RGS6: variants seen among roughly 807,000 people sequenced by gnomAD.
RGS6 encodes regulator of G-protein signaling 6.
RGS6 carries 30 observed loss-of-function variants against 78.5 expected under a neutral mutation model. That is an observed-to-expected ratio of 0.38 (90% CI 0.29 to 0.52). The LOEUF is 0.52. Among genes scored for constraint, RGS6 ranks in the 20% least tolerant of loss-of-function variants. The probability of loss-of-function intolerance (pLI) is 0.85; values close to 1 mark genes in which losing one functional copy is unlikely to be tolerated. For synonymous variants in RGS6, 206 were observed against 206.0 expected (o/e 1.00, Z 0.00); for missense variants, 495 against 609.7 (o/e 0.81, Z 1.98).
At position 72,451,834 on chromosome 14, in the gene RGS6, C is replaced by A. The variant is rs748175673; in HGVS notation, c.185-2694C>A. Reference sequence around the variant, plus strand: ...GTGGCGCGATCTCGGCTCACTGCAACCTCCACCTCCCGTGTTCAAGCAATT... The same window carrying A: ...GTGGCGCGATCTCGGCTCACTGCAAACTCCACCTCCCGTGTTCAAGCAATT... On this transcript the variant is annotated intron_variant, in intron 3 of 17. Transcript: ENST00000553525. 6.2e-4 allele frequency among the ~76,000 whole-genome samples: 94 copies of A among 152,200 alleles called. 1 individual carries two copies. The highest frequency in any genetic ancestry group is 1.1e-3 in the Non-Finnish European group (76 of 68,016).
At chr14:72,452,637 T>G (rs1374480034) in intron 3 of RGS6, among the ~76,000 whole-genome samples, 2 of 152,198 alleles carry the variant, frequency 1.3e-5, no homozygotes, top group African/African-American at 4.8e-5. Flanking sequence ...CCAGGAGAGT[T>G]CTTGGCACAT....
chr14:72,165,690 T>C (rs893483344), intron 2 of RGS6, among the ~76,000 whole-genome samples: 2 of 152,210 alleles, frequency 1.3e-5, no homozygotes, highest in Non-Finnish European at 1.5e-5. Flanking sequence ...AACAAATGTG[T>C]TGTGATGTGC....
At chr14:72,319,129 A>G (rs1195036779) in intron 2 of RGS6, among the ~76,000 whole-genome samples, 1 of 152,232 alleles carries the variant, frequency 6.6e-6, no homozygotes, top group African/African-American at 2.4e-5. Context: ...AGATATTATA[A>G]TATAAAAGGA....
At chr14:72,048,078 T>G (rs1260108821) in intron 2 of RGS6, among the ~76,000 whole-genome samples, 1 of 151,896 alleles carries the variant, frequency 6.6e-6, no homozygotes, top group African/African-American at 2.4e-5. Context: ...ACCAGAAATT[T>G]CCCAGGCAAA....
intron 3 of RGS6, among the ~76,000 whole-genome samples, chr14:72,417,241 G>T (rs1006205649): frequency 6.6e-6 from 1 of 152,204 alleles, no homozygotes; most frequent in African/African-American, 2.4e-5. Flanking sequence ...ATGTTGGTGA[G>T]GTCATTGTCA....
intron 14 of RGS6, chr14:72,514,031 A>G (rs1182376358): frequency 6.6e-6 from 1 of 152,350 alleles, no homozygotes; most frequent in East Asian, 1.9e-4. Context: ...AGCAGGATCC[A>G]CCACTTACCA....
At chr14:72,009,908 C>A (rs898231690) in intron 2 of RGS6, among the ~76,000 whole-genome samples, 1 of 152,158 alleles carries the variant, frequency 6.6e-6, no homozygotes, top group Non-Finnish European at 1.5e-5. Context: ...CCATTTGGTT[C>A]CTTTGCTGGA....
the RGS6 span, among the ~76,000 whole-genome samples, chr14:71,901,639 T>C: frequency 1.3e-5 from 2 of 152,314 alleles, no homozygotes; most frequent in African/African-American, 4.8e-5. Flanking sequence ...AGGCCAGTCA[T>C]AAGGTGAGAG....
intron 2 of RGS6, among the ~76,000 whole-genome samples, chr14:72,233,991 G>T (rs11628853): frequency 3.8e-4 from 58 of 152,240 alleles, no homozygotes; most frequent in African/African-American, 1.3e-3. Context: ...GCTGTGCTTA[G>T]CACTGGTTAA....
the RGS6 span, among the ~76,000 whole-genome samples, chr14:72,617,611 C>T: frequency 2.0e-5 from 3 of 152,228 alleles, no homozygotes; most frequent in Admixed American, 6.5e-5. Context: ...CATCGCTTGC[C>T]ACAGGTCACT....
At chr14:72,100,623 G>A (rs2095509302) in intron 2 of RGS6, among the ~76,000 whole-genome samples, 1 of 152,250 alleles carries the variant, frequency 6.6e-6, no homozygotes, top group Non-Finnish European at 1.5e-5. Flanking sequence ...GATGTCACAA[G>A]ATTACGACAA....
chr14:72,533,059 G>C (rs1215197286), intron 15 of RGS6, among the ~76,000 whole-genome samples: 3 of 152,238 alleles, frequency 2.0e-5, no homozygotes, highest in East Asian at 1.9e-4. Flanking sequence ...TTCATAGCTA[G>C]AGAAGAGAAG....
At chr14:72,606,062 T>C in the RGS6 span, among the ~76,000 whole-genome samples, 1 of 151,722 alleles carries the variant, frequency 6.6e-6, no homozygotes, top group Non-Finnish European at 1.5e-5. Flanking sequence ...CCCAAATCAC[T>C]CCCAGAATCC....
upstream of RGS6, among the ~76,000 whole-genome samples, chr14:71,928,938 T>C (rs931049431): frequency 6.6e-6 from 1 of 152,236 alleles, no homozygotes; most frequent in African/African-American, 2.4e-5. Context: ...AAGACAATTT[T>C]TTTAATTTGG....
At chr14:72,160,894 C>T (rs958652450) in intron 2 of RGS6, among the ~76,000 whole-genome samples, 1 of 152,144 alleles carries the variant, frequency 6.6e-6, no homozygotes, top group Non-Finnish European at 1.5e-5. Context: ...AATACAACCA[C>T]CTACTTTTTA....
chr14:72,132,481 G>A (rs1473039549), intron 2 of RGS6, among the ~76,000 whole-genome samples: 1 of 152,020 alleles, frequency 6.6e-6, no homozygotes, highest in Non-Finnish European at 1.5e-5. Flanking sequence ...GTTTCACCAT[G>A]TTGGCCAGGC....
chr14:72,231,761 AGC>A (rs2049672733), intron 2 of RGS6, among the ~76,000 whole-genome samples: 3 of 152,232 alleles, frequency 2.0e-5, no homozygotes, highest in African/African-American at 7.2e-5. Flanking sequence ...TATAGGGAAG[AGC>A]GTGTTCGAGA....
At chr14:72,429,992 C>T (rs1309269183) in intron 3 of RGS6, among the ~76,000 whole-genome samples, 2 of 152,182 alleles carry the variant, frequency 1.3e-5, no homozygotes, top group Non-Finnish European at 2.9e-5. Context: ...CACCTTCTGC[C>T]ACGATTGTAA....
intron 3 of RGS6, among the ~76,000 whole-genome samples, chr14:72,453,375 G>T (rs1211736232): frequency 1.3e-5 from 2 of 151,790 alleles, no homozygotes; most frequent in Admixed American, 1.3e-4. Flanking sequence ...CAGCACTTTG[G>T]GAGGCCGAGG....
Sources: gnomAD v4.1 joint callset for allele counts (sites outside exome capture counted in the v4.1 genomes callset) on GRCh38, gnomAD v4.1.1 for gene constraint, MANE v1.5 for transcripts, NCBI Gene and HGNC (gene_info 2026-07-23, HGNC 2026-07-21) for gene names.